The following DUOX1 variants were observed in gnomAD, a reference collection of about 807,000 sequenced individuals.
DUOX1 encodes NADPH thyroid oxidase 1.
In DUOX1, 134 loss-of-function variants were observed where a neutral mutation model predicts 181.8. The observed-to-expected ratio is 0.74, with a 90% CI of 0.64 to 0.85. The LOEUF (loss-of-function observed/expected upper bound fraction) is 0.85, where lower values mean the gene tolerates loss of function less well. DUOX1 is among the 40% of genes least tolerant of loss of function. The pLI, the probability that DUOX1 is intolerant of heterozygous loss-of-function variation, is 0.00. For synonymous variants in DUOX1, 798 were observed against 832.5 expected, an observed-to-expected ratio of 0.96 and a Z score of 0.71; for missense variants, 1,814 against 2,064.4, an observed-to-expected ratio of 0.88 and a Z score of 2.35.
At chr15:45,147,323 A>T in intron 18 of DUOX1, 110 bp from the exon 19 acceptor site, 1 of 1,406,986 alleles carries the variant, frequency 7.1e-7, no homozygotes, top group Non-Finnish European at 9.6e-7. Context: ...CTCCTAGCAG[A>T]GGGGGTCCTG....
At chr15:45,147,376 C>G in intron 18 of DUOX1, 57 bp from the exon 19 acceptor site, 1 of 1,575,372 alleles carries the variant, frequency 6.3e-7, no homozygotes, top group East Asian at 2.3e-5. Flanking sequence ...CTCAGCTGAA[C>G]TTCAAGTCAA....
At chr15:45,158,900 G>T (rs938167409) in intron 28 of DUOX1, among the ~76,000 whole-genome samples, 3 of 152,118 alleles carry the variant, frequency 2.0e-5, no homozygotes, top group African/African-American at 7.2e-5. Flanking sequence ...ATTAATTGCT[G>T]AGCGGAGTGT....
chr15:45,137,587 G>C (rs1896359012), intron 9 of DUOX1, among the ~76,000 whole-genome samples: 1 of 151,810 alleles, frequency 6.6e-6, no homozygotes, highest in African/African-American at 2.4e-5. Context: ...AACAATTTTT[G>C]AATCCTTTAA....
chr15:45,147,690 G>T, intron 19 of DUOX1, 32 bp downstream of exon 19: 2 of 1,612,240 alleles, frequency 1.2e-6, no homozygotes, highest in Non-Finnish European at 1.7e-6. Flanking sequence ...GGAGAGGCTG[G>T]ACAGGGGCTG....
In DUOX1 at chr15:45,162,387, GCCC is replaced by G; in HGVS notation, c.4248+13_4248+15del. On this transcript the variant is annotated intron_variant, in intron 31 of 33. Coordinates refer to ENST00000389037, the MANE Select transcript of DUOX1 (RefSeq NM_175940.3). Reference sequence around the variant, plus strand: ...AGTGTTCTGTAAGAAGGTGAGTACTGCCCCCACTTCCCACCAACCCATGGCCCC... The same window carrying G: ...AGTGTTCTGTAAGAAGGTGAGTACTGCCACTTCCCACCAACCCATGGCCCC... 1 of 1,610,826 alleles carries G rather than the reference GCCC, an allele frequency of 6.2e-7. No individual in the cohort carries two copies. Among genetic ancestry groups the G allele is most frequent in the Non-Finnish European group, 8.5e-7 (1 of 1,178,132 alleles).
At chr15:45,137,555 C>T (rs764050285) in intron 9 of DUOX1, among the ~76,000 whole-genome samples, 7 of 151,792 alleles carry the variant, frequency 4.6e-5, no homozygotes, top group South Asian at 4.2e-4. Context: ...TTGAGTTATT[C>T]ATAGACAAGT....
intron 14 of DUOX1, 189 bp from the exon 15 acceptor site, chr15:45,141,786 A>C: frequency 1.7e-6 from 1 of 605,010 alleles, no homozygotes; most frequent in Non-Finnish European, 2.9e-6. Context: ...GTGTGTGTAC[A>C]CTTCTGTGTG....
At position 45,160,839 on chromosome 15, in the gene DUOX1, CA is replaced by C. The variant is rs1567021279; in HGVS notation, c.3706del (p.Ile1236SerfsTer8). ...GCAGAGCTCTTTCCTCCATCTAGCT[CA>C]TCATCCATGGTAGCTTTGCCCTGAT... ...HLYILLYVLLIIHGSFALIQL... is the reference protein window; with the variant it reads ...HLYILLYVLLXIHGSFALIQL... On this transcript the variant is annotated frameshift_variant, in exon 29 of 34. Coordinates refer to ENST00000389037, the MANE Select transcript of DUOX1 (RefSeq NM_175940.3). LOFTEE classifies it high-confidence loss of function. 6.2e-7 allele frequency: 1 copy of C among 1,603,294 alleles called. No homozygotes were observed. The highest frequency in any genetic ancestry group is 1.3e-5 in the African/African-American group (1 of 74,856).
Position 45,137,949 on chromosome 15 carries a change from G to T in DUOX1, c.1048G>T (p.Val350Phe), listed in dbSNP as rs938575503. The T allele has an allele frequency of 6.2e-6, 10 of 1,608,860 alleles. No homozygotes were observed. The highest frequency in any genetic ancestry group is 8.5e-6 in the Non-Finnish European group (10 of 1,177,174). Residue 350 changes from valine to phenylalanine, a missense_variant, in exon 10 of 34, where the codon GTC (valine) becomes TTC (phenylalanine). By Grantham distance (50) the Val-to-Phe change is conservative. This residue lies in a region of DUOX1 where 1,064 missense variants were observed against 1,152.9 expected (regional missense o/e 0.92). Coordinates refer to ENST00000389037, the MANE Select transcript of DUOX1 (RefSeq NM_175940.3). ...AAATGCCAGCTGCCACTTCCAGGGG[G>T]TCATCAATCGGAACTCAAGTGTCTC... ...MRNASCHFQG[V>F]INRNSSVSRA...
At chr15:45,147,320 C>T (rs1041370944) in intron 18 of DUOX1, 113 bp from the exon 19 acceptor site, 9 of 1,375,504 alleles carry the variant, frequency 6.5e-6, no homozygotes, top group Non-Finnish European at 8.9e-6. Flanking sequence ...GGCCTCCTAG[C>T]AGAGGGGGTC....
At chr15:45,162,001 C>CGG (rs1471281270) in intron 30 of DUOX1, 31 bp downstream of exon 30, 1 of 1,572,162 alleles carries the variant, frequency 6.4e-7, no homozygotes, top group Non-Finnish European at 8.7e-7. Context: ...ATGCCACATG[C>CGG]GCCCATATCC....
Position 45,139,129 on chromosome 15 carries a change from G to T in DUOX1, c.1177G>T (p.Ala393Ser). The change falls in exon 11 of 34, where the codon GCA becomes TCA. Residue 393 changes from alanine (A) to serine (S), a missense_variant. Ala to Ser is a moderately conservative substitution (Grantham distance 99). Around this residue, in one of 5 missense-constraint regions of DUOX1, gnomAD observed 1,064 missense variants for 1,152.9 expected, o/e 0.92. Transcript: ENST00000389037. ...ALLLGMASQI[A>S]EREDHVLVED... ...GCTGCTGGGCATGGCCTCCCAGATCGCAGAGCGAGAGGACCATGTGTTGGT... is the reference window on the plus strand; with the variant it reads ...GCTGCTGGGCATGGCCTCCCAGATCTCAGAGCGAGAGGACCATGTGTTGGT... The T allele has an allele frequency of 6.2e-7, 1 of 1,614,166 alleles. No homozygotes were observed. Among genetic ancestry groups the T allele is most frequent in the Non-Finnish European group, 8.5e-7 (1 of 1,180,028 alleles).
intron 2 of DUOX1, among the ~76,000 whole-genome samples, chr15:45,132,925 T>C (rs1272468509): frequency 6.6e-6 from 1 of 152,228 alleles, no homozygotes; most frequent in Non-Finnish European, 1.5e-5. Context: ...CTGGGTTCTT[T>C]GCTCAAACAT....
Position 45,161,839 on chromosome 15 carries a change from C to T in DUOX1, c.3958C>T (p.Pro1320Ser), listed in dbSNP as rs747113723. 2.5e-6 allele frequency: 4 copies of T among 1,613,994 alleles called. No homozygotes were observed. In the Admixed American group the frequency reaches 6.7e-5, roughly 27 times the overall value. Residue 1320 changes from proline to serine, a missense_variant, in exon 30 of 34, where the codon CCC (proline) becomes TCC (serine). By Grantham distance (74) the Pro-to-Ser change is moderately conservative. Around this residue, in one of 5 missense-constraint regions of DUOX1, gnomAD observed 279 missense variants for 381.9 expected, o/e 0.73. Transcript: ENST00000389037. ...GGCTCTGGGGACCACCGAGTACCAC[C>T]CCTTCACACTGACCTCTGCGCCCCA... ...CLALGTTEYHPFTLTSAPHED... is the reference protein window; with the variant it reads ...CLALGTTEYHSFTLTSAPHED...
intron 22 of DUOX1, among the ~76,000 whole-genome samples, chr15:45,150,913 G>A (rs962102174): frequency 6.6e-6 from 1 of 152,218 alleles, no homozygotes; most frequent in Non-Finnish European, 1.5e-5. Context: ...TGGCCCAGAT[G>A]CCCTTGTGAA....
intron 18 of DUOX1, among the ~76,000 whole-genome samples, chr15:45,146,901 C>A (rs1189547847): frequency 6.6e-6 from 1 of 152,212 alleles, no homozygotes; most frequent in Admixed American, 6.5e-5. Context: ...CTTTCTCAAG[C>A]CCAGCTTTTC....
chr15:45,151,830 G>T, intron 23 of DUOX1, 44 bp from the exon 24 acceptor site: 1 of 1,574,480 alleles, frequency 6.4e-7, no homozygotes. Context: ...ACTAGCGTTG[G>T]GTCCCATGGT....
intron 1 of DUOX1, among the ~76,000 whole-genome samples, 159 bp downstream of exon 1, chr15:45,130,257 C>T (rs1237342272): frequency 1.3e-5 from 2 of 152,216 alleles, no homozygotes; most frequent in Non-Finnish European, 2.9e-5. Context: ...AGGCTAAAAC[C>T]GGTCCTGTTA....
Position 45,161,882 on chromosome 15 carries a change from T to C in DUOX1, c.4001T>C (p.Leu1334Pro). The change falls in exon 30 of 34, where the codon CTG becomes CCG. Residue 1334 changes from leucine to proline, a missense_variant. Around this residue, in one of 5 missense-constraint regions of DUOX1, gnomAD observed 279 missense variants for 381.9 expected, o/e 0.73. Coordinates refer to ENST00000389037, the MANE Select transcript of DUOX1 (RefSeq NM_175940.3). Reference sequence around the variant, plus strand: ...GCGCCCCATGAGGACACGCTTAGCCTGCACATCCGGGCAGCAGGGCCCTGG... The same window carrying C: ...GCGCCCCATGAGGACACGCTTAGCCCGCACATCCGGGCAGCAGGGCCCTGG... ...TSAPHEDTLS[L>P]HIRAAGPWTT... 6.2e-7 allele frequency: 1 copy of C among 1,613,718 alleles called. No homozygotes were observed.
Sources: gnomAD v4.1 joint callset for allele counts (sites outside exome capture counted in the v4.1 genomes callset) on GRCh38, gnomAD v4.1.1 for gene constraint, gnomAD v4.1.1 regional missense constraint, MANE v1.5 for transcripts, NCBI Gene and HGNC (gene_info 2026-07-23, HGNC 2026-07-21) for gene names.